Variants in DOCK3 observed in about 807,000 individuals in gnomAD.
DOCK3 encodes dedicator of cytokinesis 3.
Under a neutral mutation model 265.6 loss-of-function variants are expected in DOCK3, and 60 were observed. The observed-to-expected ratio is 0.23, with a 90% CI of 0.18 to 0.28. DOCK3 has a LOEUF of 0.28. DOCK3 is among the 10% of genes least tolerant of loss of function. DOCK3 has a pLI of 1.00. For missense variants in DOCK3, 1,981 were observed against 2,594.3 expected (o/e 0.76, Z 5.14); for synonymous variants, 881 against 938.0 (o/e 0.94, Z 1.11).
At chr3:50,965,889 T>C (rs2077014946) in intron 5 of DOCK3, among the ~76,000 whole-genome samples, 1 of 152,204 alleles carries the variant, frequency 6.6e-6, no homozygotes, top group Non-Finnish European at 1.5e-5. Flanking sequence ...ATAATGATTA[T>C]CACATTTGTC....
chr3:51,379,593 C>A, intron 51 of DOCK3: 1 of 985,476 alleles, frequency 1.0e-6, no homozygotes, highest in Non-Finnish European at 1.2e-6. Context: ...TCCAGCGGGT[C>A]CCCCGATAGT....
At chr3:51,311,504 T>C (rs183384944) in intron 28 of DOCK3, among the ~76,000 whole-genome samples, 1 of 152,304 alleles carries the variant, frequency 6.6e-6, no homozygotes, top group East Asian at 1.9e-4. Context: ...GACACATAGA[T>C]GAAAATAATA....
intron 5 of DOCK3, among the ~76,000 whole-genome samples, chr3:50,979,597 C>CTCA (rs1485675825): frequency 6.6e-6 from 1 of 152,176 alleles, no homozygotes; most frequent in Admixed American, 6.5e-5. Flanking sequence ...CCCTAAATCC[C>CTCA]TCACCCGAAA....
At chr3:51,360,449 C>T in intron 46 of DOCK3, 62 bp from the exon 47 acceptor site, 1 of 1,550,384 alleles carries the variant, frequency 6.5e-7, no homozygotes, top group Middle Eastern at 1.7e-4. Flanking sequence ...GTTATTCCCT[C>T]ACATCCCTTA....
chr3:51,115,134 A>G lies in DOCK3; in HGVS notation c.746+24750A>G, dbSNP rs551147365. Among the ~76,000 whole-genome samples the G allele has an allele frequency of 2.6e-5, 4 of 152,296 alleles. No individual in the cohort carries two copies. The South Asian group carries it at 8.3e-4, about 32-fold the overall frequency. On this transcript the variant is annotated intron_variant, in intron 9 of 52. Coordinates refer to ENST00000266037, the MANE Select transcript of DOCK3 (RefSeq NM_004947.5). The stretch of plus-strand genomic sequence containing the variant: ...GTGCATGTGTCTTTATAGTAGAATG[A>G]TTTATAATCCTTAGGGTATATACCC...
At chr3:51,212,047 G>A (rs1010753007) in intron 13 of DOCK3, among the ~76,000 whole-genome samples, 6 of 152,266 alleles carry the variant, frequency 3.9e-5, no homozygotes, top group Middle Eastern at 3.4e-3. Context: ...GCATTATTTG[G>A]TATGTGCTTC....
At chr3:51,347,008 T>C (rs928454692) in intron 38 of DOCK3, among the ~76,000 whole-genome samples, 2 of 152,254 alleles carry the variant, frequency 1.3e-5, no homozygotes, top group African/African-American at 4.8e-5. Context: ...CTTGTAAATT[T>C]GTTTAACTTC....
rs1026207352 is a variant in DOCK3, at chr3:50,818,169, A to G, written c.122-23506A>G. On this transcript the variant is annotated intron_variant, in intron 2 of 52. Coordinates refer to ENST00000266037, the MANE Select transcript of DOCK3 (RefSeq NM_004947.5). ...TCAGATTGGTGGTGGACACATGTTT[A>G]GCCCTACTTGCTGGGCAGAATAGAG... Among the ~76,000 whole-genome samples the G allele has an allele frequency of 8.5e-5, 13 of 152,238 alleles. 1 individual carries two copies. Among genetic ancestry groups the G allele is most frequent in the African/African-American group, 2.4e-4 (10 of 41,464 alleles).
chr3:50,757,960 G>A (rs1001560780), intron 1 of DOCK3, among the ~76,000 whole-genome samples: 5 of 151,816 alleles, frequency 3.3e-5, no homozygotes, highest in Non-Finnish European at 5.9e-5. Context: ...CAGATCACGA[G>A]GTCAGGAAAT....
intron 1 of DOCK3, among the ~76,000 whole-genome samples, chr3:50,706,155 A>G (rs1285742505): frequency 1.3e-5 from 2 of 152,068 alleles, no homozygotes; most frequent in Admixed American, 6.6e-5. Context: ...CTCCCCATCC[A>G]TATGGAATTG....
At chr3:51,301,936 A>C (rs748881104) in intron 27 of DOCK3, among the ~76,000 whole-genome samples, 2 of 151,870 alleles carry the variant, frequency 1.3e-5, no homozygotes, top group Non-Finnish European at 2.9e-5. Context: ...TTCTGTAGAT[A>C]CCAGGTCCAT....
chr3:51,085,404 T>G (rs2082383507), intron 7 of DOCK3, among the ~76,000 whole-genome samples: 1 of 152,194 alleles, frequency 6.6e-6, no homozygotes, highest in African/African-American at 2.4e-5. Context: ...TACTCCAGGA[T>G]ACAGCACATA....
intron 3 of DOCK3, among the ~76,000 whole-genome samples, chr3:50,847,943 A>G (rs2046169694): frequency 6.9e-6 from 1 of 144,504 alleles, no homozygotes; most frequent in South Asian, 2.3e-4. Flanking sequence ...GTCTTTTCGT[A>G]GGTCTAGAGG....
At chr3:51,110,785 C>T (rs1311642122) in intron 9 of DOCK3, among the ~76,000 whole-genome samples, 1 of 151,932 alleles carries the variant, frequency 6.6e-6, no homozygotes, top group Admixed American at 6.6e-5. Flanking sequence ...ACAAGGATGT[C>T]CTCTCTCACC....
chr3:50,729,361 T>TTTAA (rs1421124195), intron 1 of DOCK3, among the ~76,000 whole-genome samples: 2 of 145,414 alleles, frequency 1.4e-5, no homozygotes, highest in African/African-American at 5.0e-5. Context: ...TTTTATTTTA[T>TTTAA]TTATTTATTT....
chr3:51,219,665 A>G (rs2089977282), intron 14 of DOCK3, among the ~76,000 whole-genome samples: 1 of 152,230 alleles, frequency 6.6e-6, no homozygotes, highest in Admixed American at 6.5e-5. Flanking sequence ...AAAGGTGGAA[A>G]GCTTCTCTTT....
chr3:51,360,393 C>G (rs1194520979), intron 46 of DOCK3, 118 bp from the exon 47 acceptor site: 2 of 1,340,940 alleles, frequency 1.5e-6, no homozygotes, highest in East Asian at 2.5e-5. Flanking sequence ...GTTCAGCCAA[C>G]CATATGATTC....
intron 1 of DOCK3, among the ~76,000 whole-genome samples, chr3:50,742,113 GAACA>G (rs2039080830): frequency 2.0e-5 from 3 of 152,038 alleles, no homozygotes; most frequent in African/African-American, 7.2e-5. Flanking sequence ...CCCACTTTTT[GAACA>G]GACCTGCAGC....
intron 1 of DOCK3, among the ~76,000 whole-genome samples, chr3:50,686,874 A>T (rs1337386143): frequency 7.6e-6 from 1 of 131,186 alleles, no homozygotes; most frequent in Non-Finnish European, 1.5e-5. Context: ...ACACCACTAC[A>T]CTCTAGCCTG....
Sources: allele counts gnomAD v4.1 joint callset (sites outside exome capture counted in the v4.1 genomes callset), GRCh38; gene constraint gnomAD v4.1.1; transcripts MANE v1.5; gene names NCBI Gene and HGNC (gene_info 2026-07-23, HGNC 2026-07-21).